Variants in ASAP3 observed in about 807,000 individuals in gnomAD.
ASAP3 encodes the protein arf-GAP with SH3 domain, ANK repeat and PH domain-containing protein 3.
A neutral mutation model predicts 118.2 loss-of-function variants in ASAP3; 85 were observed. The observed-to-expected ratio is 0.72, with a 90% CI of 0.60 to 0.86. The LOEUF (loss-of-function observed/expected upper bound fraction) is 0.86. Ranked by LOEUF, ASAP3 falls within the 40% of genes least tolerant of loss-of-function variation. The pLI is 0.00. For synonymous variants in ASAP3, 432 were observed against 477.4 expected (o/e 0.90, Z 1.24); for missense variants, 1,026 against 1,175.0 (o/e 0.87, Z 1.85).
intron 1 of ASAP3, among the ~76,000 whole-genome samples, chr1:23,468,603 T>C (rs1641851780): frequency 6.6e-6 from 1 of 152,084 alleles, no homozygotes; most frequent in Non-Finnish European, 1.5e-5. Context: ...CAGGGTGCGG[T>C]GGCTCACGCC....
chr1:23,429,778 G>A lies in ASAP3; in HGVS notation c.*78C>T. The A allele has an allele frequency of 2.1e-6, 3 of 1,414,618 alleles. No homozygotes were observed. Among genetic ancestry groups the A allele is most frequent in the Non-Finnish European group, 2.9e-6 (3 of 1,024,520 alleles). The allele number at this position is 1,414,618 out of a possible 1,614,324, so 87.6% of individuals were successfully genotyped here. A position where few individuals can be genotyped will look rare whatever the true frequency, so the allele number is the denominator to read the frequency against. On this transcript the variant is annotated 3_prime_UTR_variant, in exon 25 of 25. Transcript: ENST00000336689. ...GAGATCCAAGAGAACAAATGTCTCA[G>A]CTCCCCAGTTTTGTGAGCTCAAGTC...
At chr1:23,469,951 T>G (rs1017411679) in intron 1 of ASAP3, among the ~76,000 whole-genome samples, 3 of 151,994 alleles carry the variant, frequency 2.0e-5, no homozygotes, top group Admixed American at 6.6e-5. Flanking sequence ...TGAAAAGAAA[T>G]TGAGGTAATG....
At chr1:23,476,247 G>A (rs934211518) in intron 1 of ASAP3, among the ~76,000 whole-genome samples, 2 of 151,924 alleles carry the variant, frequency 1.3e-5, no homozygotes, top group Non-Finnish European at 2.9e-5. Flanking sequence ...TTGGGAGGCT[G>A]AGGCAGGAGA....
chr1:23,451,595 G>A, intron 4 of ASAP3, 67 bp from the exon 5 acceptor site: 2 of 1,545,866 alleles, frequency 1.3e-6, no homozygotes, highest in Non-Finnish European at 1.8e-6. Context: ...AGTATGCTCT[G>A]CTGCCTGTAG....
At chr1:23,481,387 G>C (rs1642302082) in intron 1 of ASAP3, among the ~76,000 whole-genome samples, 1 of 152,180 alleles carries the variant, frequency 6.6e-6, no homozygotes, top group Non-Finnish European at 1.5e-5. Flanking sequence ...GGTTAGTCAA[G>C]CCCAGAACTG....
Position 23,441,119 on chromosome 1 carries a change from T to G in ASAP3, c.927A>C (p.Leu309=), listed in dbSNP as rs887098606. The change falls in exon 10 of 25, where the codon CTA becomes CTC. Residue 309 remains leucine, a synonymous_variant. Coordinates refer to ENST00000336689, the MANE Select transcript of ASAP3 (RefSeq NM_017707.4). ...KQFGTEKVGF[L]YKKSDGIRRV... ...TCACTTACCCGTCACTTTTCTTGTA[T>G]AGAAAGCCCACTTTCTCCGTCCCAA... 1.2e-6 allele frequency: 2 copies of G among 1,614,200 alleles called. No homozygotes were observed. Among genetic ancestry groups the G allele is most frequent in the South Asian group, 2.2e-5 (2 of 91,088 alleles).
chr1:23,452,285 C>G (rs1419960453), intron 4 of ASAP3, among the ~76,000 whole-genome samples: 1 of 152,244 alleles, frequency 6.6e-6, no homozygotes, highest in Admixed American at 6.5e-5. Flanking sequence ...CACTCTGCAT[C>G]CAGCCAAGGG....
rs1641048627 is a variant in ASAP3 at position 23,446,438 on chromosome 1, T to G, written c.474-3826A>C. ...AATAAACAATTCATAAGTTTTTTTG[T>G]CTTTTTTTTTTTTTTTTTGAGATGG... On this transcript the variant is annotated intron_variant, in intron 5 of 24. Transcript: ENST00000336689. Among the ~76,000 whole-genome samples, 4 of 104,826 alleles carry G rather than the reference T, an allele frequency of 3.8e-5. No individual in the cohort carries two copies. In the South Asian group the frequency reaches 1.2e-3, roughly 33 times the overall value. 68.8% of individuals were successfully genotyped at this position (104,826 alleles called of 152,430 possible). A position where few individuals can be genotyped will look rare whatever the true frequency, so the allele number is the denominator to read the frequency against.
At chr1:23,439,256 A>G (rs1159079437) in intron 10 of ASAP3, 26 bp from the exon 11 acceptor site, 1 of 1,611,518 alleles carries the variant, frequency 6.2e-7, no homozygotes, top group Admixed American at 1.7e-5. Flanking sequence ...ATAGAAGGAC[A>G]GTGACCCAAG....
chr1:23,460,528 C>A (rs6424109), intron 1 of ASAP3, among the ~76,000 whole-genome samples: 106,096 of 140,184 alleles, frequency 0.76, 42,056 homozygotes, highest in Middle Eastern at 0.89. Flanking sequence ...AAAAAAAAAC[C>A]AAACAAAAAC....
intron 5 of ASAP3, among the ~76,000 whole-genome samples, chr1:23,445,660 G>T (rs1043479074): frequency 1.4e-4 from 22 of 152,188 alleles, no homozygotes; most frequent in African/African-American, 5.1e-4. Flanking sequence ...GCGATATATA[G>T]AAATATCATG....
At position 23,437,519 on chromosome 1, in the gene ASAP3, C is replaced by G. The variant is rs185420378; in HGVS notation, c.1103-47G>C. The G allele has an allele frequency of 2.5e-4, 399 of 1,610,148 alleles. No individual in the cohort carries two copies. Among genetic ancestry groups the G allele is most frequent in the Middle Eastern group, 2.3e-3 (14 of 6,034 alleles). ...TCTGACCCACAGAAATGCTGCTGGC[C>G]TTCCCGGAGCCCAGGGAGCCCCCAC... On this transcript the variant is annotated intron_variant, in intron 12 of 24. Coordinates refer to ENST00000336689, the MANE Select transcript of ASAP3 (RefSeq NM_017707.4). This position sits in a 1 kb window ranked among gnomAD's most constrained non-coding sequence, Gnocchi z 6.1.
intron 1 of ASAP3, among the ~76,000 whole-genome samples, chr1:23,465,810 C>T (rs879308224): frequency 3.9e-5 from 6 of 152,124 alleles, no homozygotes; most frequent in Non-Finnish European, 8.8e-5. Context: ...CCCAGAGTTA[C>T]AATTTAAATC....
At chr1:23,455,167 T>G (rs1176680069) in intron 3 of ASAP3, among the ~76,000 whole-genome samples, 1 of 152,196 alleles carries the variant, frequency 6.6e-6, no homozygotes, top group Admixed American at 6.5e-5. Context: ...CTGCTTAACC[T>G]TGAGGTCCTA....
chr1:23,470,284 G>A (rs1641918369), intron 1 of ASAP3, among the ~76,000 whole-genome samples: 1 of 152,218 alleles, frequency 6.6e-6, no homozygotes, highest in Non-Finnish European at 1.5e-5. Flanking sequence ...CCACCAGCAA[G>A]AGTGAGCCAA....
intron 1 of ASAP3, among the ~76,000 whole-genome samples, chr1:23,466,382 G>A (rs938243616): frequency 1.3e-5 from 2 of 152,228 alleles, no homozygotes; most frequent in Non-Finnish European, 2.9e-5. Flanking sequence ...AAAGGTGGCT[G>A]AAACACATCT....
intron 5 of ASAP3, among the ~76,000 whole-genome samples, chr1:23,447,954 T>C (rs183616520): frequency 6.6e-6 from 1 of 152,342 alleles, no homozygotes; most frequent in East Asian, 1.9e-4. Context: ...ATAGTCATTC[T>C]GAGATGACCT....
At position 23,455,786 on chromosome 1, in the gene ASAP3, T is replaced by C. The variant is rs539719642; in HGVS notation, c.348+95A>G. The C allele has an allele frequency of 1.2e-4, 182 of 1,518,704 alleles. 1 individual carries two copies. In the South Asian group the frequency reaches 1.7e-3, roughly 15 times the overall value. 94.1% of individuals were successfully genotyped at this position (1,518,704 alleles called of 1,614,324 possible). On this transcript the variant is annotated intron_variant, in intron 3 of 24. Coordinates refer to ENST00000336689, the MANE Select transcript of ASAP3 (RefSeq NM_017707.4). Reference sequence around the variant, plus strand: ...ACTCAGGTCAGAGATCAAGGGCAAATTGGGAGAAGGAAGGAAACGGACCCT... The same window carrying C: ...ACTCAGGTCAGAGATCAAGGGCAAACTGGGAGAAGGAAGGAAACGGACCCT...
chr1:23,450,536 AT>A (rs1319513289), intron 5 of ASAP3, among the ~76,000 whole-genome samples: 2 of 150,674 alleles, frequency 1.3e-5, no homozygotes, highest in Non-Finnish European at 3.0e-5. Context: ...TTTTTCTCCT[AT>A]TTTTGGGTAG....
Sources: gnomAD v4.1 joint callset for allele counts (sites outside exome capture counted in the v4.1 genomes callset) on GRCh38, gnomAD v4.1.1 for gene constraint, Gnocchi (gnomAD v3.1) non-coding constraint, MANE v1.5 for transcripts, NCBI Gene and HGNC (gene_info 2026-07-23, HGNC 2026-07-21) for gene names.